Variants in OCA2 observed in about 807,000 individuals in gnomAD.
OCA2 encodes OCA2 melanosomal transmembrane protein, also known as P protein.
Under a neutral mutation model 100.2 loss-of-function variants are expected in OCA2, and 77 were observed. That is an observed-to-expected ratio of 0.77 (90% CI 0.64 to 0.93). The LOEUF (loss-of-function observed/expected upper bound fraction) is 0.93. OCA2 is among the 40% of genes least tolerant of loss of function. The pLI is 0.00. For missense variants in OCA2, 1,062 were observed against 1,089.1 expected (o/e 0.98, Z 0.35); for synonymous variants, 432 against 439.2 (o/e 0.98, Z 0.21).
chr15:27,957,766 T>C lies in OCA2; in HGVS notation c.1637-31A>G. The C allele has an allele frequency of 1.2e-6, 2 of 1,612,602 alleles. No individual in the cohort carries two copies. Among genetic ancestry groups the C allele is most frequent in the Non-Finnish European group, 1.7e-6 (2 of 1,179,770 alleles). On this transcript the variant is annotated intron_variant, in intron 15 of 23. Coordinates refer to ENST00000354638, the MANE Select transcript of OCA2 (RefSeq NM_000275.3). This position sits in a 1 kb window ranked among gnomAD's most constrained non-coding sequence, Gnocchi z 4.3. ...GAGAAAGGAAGGCGAAGCTTGGGTC[T>C]CCCATGACCTCAGATATCAGCAACA... is the stretch of plus-strand genomic sequence containing the variant.
At chr15:27,740,770 T>G in the OCA2 span, among the ~76,000 whole-genome samples, 1 of 152,164 alleles carries the variant, frequency 6.6e-6, no homozygotes, top group African/African-American at 2.4e-5. Context: ...GAGCTGGGCA[T>G]AGGCACAGGC....
chr15:27,797,842 G>A (rs1409676921), intron 23 of OCA2, among the ~76,000 whole-genome samples: 1 of 152,140 alleles, frequency 6.6e-6, no homozygotes, highest in Non-Finnish European at 1.5e-5. Flanking sequence ...TTCCTGAAGG[G>A]CCTGGAGAAG....
chr15:27,828,694 T>C (rs2034828305), intron 23 of OCA2, among the ~76,000 whole-genome samples: 2 of 152,124 alleles, frequency 1.3e-5, no homozygotes. Context: ...CCAACTATGA[T>C]TGTAGAAAAC....
At chr15:27,972,011 C>T (rs145127431) in intron 14 of OCA2, among the ~76,000 whole-genome samples, 61 of 152,286 alleles carry the variant, frequency 4.0e-4, no homozygotes, top group African/African-American at 1.4e-3. Context: ...GTTCTCGTTA[C>T]CAGTGTATGC....
At chr15:27,982,458 T>C (rs2041198853) in intron 14 of OCA2, among the ~76,000 whole-genome samples, 1 of 152,220 alleles carries the variant, frequency 6.6e-6, no homozygotes, top group African/African-American at 2.4e-5. Context: ...TGACCATGGC[T>C]GCACACCTCA....
chr15:27,946,664 G>A (rs2039849099), intron 18 of OCA2, among the ~76,000 whole-genome samples: 1 of 152,170 alleles, frequency 6.6e-6, no homozygotes, highest in Non-Finnish European at 1.5e-5. Flanking sequence ...TTCGGCTGAA[G>A]TTTTTGTTTT....
At chr15:28,021,884 C>T (rs995949903) in intron 6 of OCA2, among the ~76,000 whole-genome samples, 6 of 152,212 alleles carry the variant, frequency 3.9e-5, no homozygotes, top group Admixed American at 1.3e-4. Context: ...GCAGGGCGCC[C>T]GGTAATTCTG....
intron 19 of OCA2, among the ~76,000 whole-genome samples, chr15:27,875,051 A>T (rs1416743696): frequency 6.6e-6 from 1 of 152,206 alleles, no homozygotes; most frequent in African/African-American, 2.4e-5. Context: ...GACAAATTGA[A>T]CCCAAAGAAG....
chr15:27,753,423 C>A (rs2030142466), downstream of OCA2, among the ~76,000 whole-genome samples: 1 of 151,904 alleles, frequency 6.6e-6, no homozygotes, highest in African/African-American at 2.4e-5. Context: ...GAGCCCGGAG[C>A]TAATGGTTTT....
chr15:28,079,410 A>G (rs60117074), intron 2 of OCA2, among the ~76,000 whole-genome samples: 11,128 of 151,940 alleles, frequency 0.073, 1,237 homozygotes, highest in African/African-American at 0.24. Context: ...TACTGTGTAC[A>G]TGGCCACCAG....
intron 23 of OCA2, among the ~76,000 whole-genome samples, chr15:27,830,315 C>A (rs1222212473): frequency 2.0e-5 from 3 of 152,176 alleles, no homozygotes; most frequent in African/African-American, 7.2e-5. Context: ...TTTGGGAGAG[C>A]TGGAGACCCA....
intron 9 of OCA2, among the ~76,000 whole-genome samples, chr15:27,999,573 T>C (rs2041863006): frequency 6.6e-6 from 1 of 152,144 alleles, no homozygotes; most frequent in Non-Finnish European, 1.5e-5. Flanking sequence ...GGATGCTCAC[T>C]CTCACCACTT....
At chr15:28,030,718 A>G (rs1724989341) in intron 3 of OCA2, among the ~76,000 whole-genome samples, 1 of 152,206 alleles carries the variant, frequency 6.6e-6, no homozygotes, top group South Asian at 2.1e-4. Context: ...AAGACACAGC[A>G]GCCCTCCTGT....
At chr15:28,022,870 G>A (rs1292360361) in intron 5 of OCA2, among the ~76,000 whole-genome samples, 1 of 152,190 alleles carries the variant, frequency 6.6e-6, no homozygotes, top group African/African-American at 2.4e-5. Context: ...GGAGAATAAA[G>A]GCATATGACC....
At chr15:27,784,902 AGAG>A (rs1254663803) in intron 23 of OCA2, among the ~76,000 whole-genome samples, 9 of 151,972 alleles carry the variant, frequency 5.9e-5, no homozygotes, top group African/African-American at 1.7e-4. Context: ...ACAGAGAGAG[AGAG>A]AGAGAGAGAG....
intron 18 of OCA2, among the ~76,000 whole-genome samples, chr15:27,933,076 A>T (rs555335641): frequency 1.3e-5 from 2 of 152,346 alleles, no homozygotes; most frequent in East Asian, 3.9e-4. Flanking sequence ...AGACTACTCA[A>T]TCGCAGTCTG....
At chr15:28,065,293 T>A (rs1392276043) in intron 2 of OCA2, among the ~76,000 whole-genome samples, 1 of 152,140 alleles carries the variant, frequency 6.6e-6, no homozygotes, top group African/African-American at 2.4e-5. Flanking sequence ...CACACACAGG[T>A]ACTTTTGAGT....
At chr15:27,844,502 G>A (rs1002730473) in intron 23 of OCA2, among the ~76,000 whole-genome samples, 15 of 152,162 alleles carry the variant, frequency 9.9e-5, no homozygotes, top group Admixed American at 7.9e-4. Flanking sequence ...GTGTTATGGA[G>A]CTAATCCCAG....
intron 19 of OCA2, among the ~76,000 whole-genome samples, chr15:27,913,861 A>AAGAAAGAAAG (rs1567097843): frequency 2.3e-4 from 11 of 47,588 alleles, no homozygotes; most frequent in African/African-American, 1.1e-3. Context: ...GAAAGAAAGA[A>AAGAAAGAAAG]AGAAAGAAAG....
Sources: gnomAD v4.1 joint callset for allele counts (sites outside exome capture counted in the v4.1 genomes callset) on GRCh38, gnomAD v4.1.1 for gene constraint, Gnocchi (gnomAD v3.1) non-coding constraint, MANE v1.5 for transcripts, NCBI Gene and HGNC (gene_info 2026-07-23, HGNC 2026-07-21) for gene names.